EIF3L: variants seen among roughly 807,000 people sequenced by gnomAD.
EIF3L encodes eukaryotic translation initiation factor 3 subunit L.
A neutral mutation model predicts 74.6 loss-of-function variants in EIF3L; 32 were observed. The observed-to-expected ratio is 0.43, with a 90% CI of 0.32 to 0.58. The LOEUF (loss-of-function observed/expected upper bound fraction) is 0.58, where lower values mean the gene tolerates loss of function less well. EIF3L is among the 20% of genes least tolerant of loss of function. The probability of loss-of-function intolerance (pLI) is 0.06; values close to 1 mark genes in which losing one functional copy is unlikely to be tolerated. For synonymous variants in EIF3L, 256 were observed against 254.4 expected, an observed-to-expected ratio of 1.01 and a Z score of -0.06; for missense variants, 474 against 707.8, an observed-to-expected ratio of 0.67 and a Z score of 3.75.
At chr22:37,888,185 T>C (rs936690224) in intron 12 of EIF3L, 6 of 443,160 alleles carry the variant, frequency 1.4e-5, no homozygotes, top group African/African-American at 1.0e-4. Flanking sequence ...GTCAGATGGA[T>C]AGAGCAGTGT....
chr22:37,853,157 T>G (rs1925320118), intron 3 of EIF3L, among the ~76,000 whole-genome samples: 1 of 152,172 alleles, frequency 6.6e-6, no homozygotes, highest in African/African-American at 2.4e-5. Context: ...CCTCAGTTCT[T>G]GCCTCCTCAC....
rs1436976528 is a variant in EIF3L, at chr22:37,849,998, T to A, written c.34-17T>A. 1 of 1,613,700 alleles carries A rather than the reference T, an allele frequency of 6.2e-7. No individual in the cohort carries two copies. Among genetic ancestry groups the A allele is most frequent in the South Asian group, 1.1e-5 (1 of 91,074 alleles). On this transcript the variant is annotated splice_polypyrimidine_tract_variant and intron_variant, in intron 1 of 12. Transcript: ENST00000652021. ...ACGACTTGGCGGCTGTCCTTGACTG[T>A]GTCTCTTTCCTTCTAGGCGGCTTAT...
chr22:37,858,277 G>A (rs180758327), intron 4 of EIF3L, among the ~76,000 whole-genome samples: 1 of 126,504 alleles, frequency 7.9e-6, no homozygotes, highest in Non-Finnish European at 1.6e-5. Flanking sequence ...GCCCATGCTG[G>A]AGTGTAGTGT....
chr22:37,882,553 T>A (rs1927103000), intron 11 of EIF3L: 1 of 152,040 alleles, frequency 6.6e-6, no homozygotes. Flanking sequence ...GGTGCGTTCC[T>A]GTAATCCCAG....
chr22:37,858,418 G>A, intron 4 of EIF3L: 2 of 431,018 alleles, frequency 4.6e-6, no homozygotes, highest in South Asian at 5.5e-5. Context: ...GTTTTTTTAT[G>A]CACTTGGATG....
At chr22:37,851,700 C>CT (rs1054151790) in intron 3 of EIF3L, 72 of 464,350 alleles carry the variant, frequency 1.6e-4, no homozygotes, top group African/African-American at 1.3e-3. Flanking sequence ...GAGTGTCACT[C>CT]TGTCGCCCAG....
intron 5 of EIF3L, among the ~76,000 whole-genome samples, chr22:37,862,393 A>C (rs980506586): frequency 2.6e-5 from 4 of 152,204 alleles, no homozygotes; most frequent in Non-Finnish European, 5.9e-5. Context: ...TAAGTATTTT[A>C]GTCTCGAGGG....
intron 8 of EIF3L, among the ~76,000 whole-genome samples, chr22:37,873,158 T>G (rs1258375618): frequency 6.6e-6 from 1 of 151,294 alleles, no homozygotes; most frequent in Non-Finnish European, 1.5e-5. Context: ...CCATCTAATT[T>G]TTGTATTTTT....
chr22:37,855,767 T>C, intron 4 of EIF3L, 123 bp downstream of exon 4: 1 of 748,576 alleles, frequency 1.3e-6, no homozygotes, highest in Non-Finnish European at 2.2e-6. Context: ...GTGCTTGGTA[T>C]GTAGTAGGTC....
At chr22:37,882,132 C>T (rs966835581) in intron 11 of EIF3L, 4 of 151,870 alleles carry the variant, frequency 2.6e-5, no homozygotes, top group Non-Finnish European at 5.9e-5. Context: ...TATGGTGAAA[C>T]CCTGTCTCTA....
Position 37,877,668 on chromosome 22 carries a change from C to T in EIF3L, c.1078-6C>T, listed in dbSNP as rs145217987. The T allele has an allele frequency of 1.9e-6, 3 of 1,586,874 alleles. No individual in the cohort carries two copies. On this transcript the variant is annotated splice_region_variant and splice_polypyrimidine_tract_variant and intron_variant, in intron 10 of 12. Transcript: ENST00000652021. ...GACCCAGTACCACTCTCCACCCCAT[C>T]CCCAGATTAACAAGCAGAATGAGCA...
intron 4 of EIF3L, among the ~76,000 whole-genome samples, chr22:37,856,175 C>T (rs1427869538): frequency 6.6e-6 from 1 of 151,940 alleles, no homozygotes; most frequent in Non-Finnish European, 1.5e-5. Context: ...CTCCTAGGTT[C>T]AAGCAATTCT....
chr22:37,865,240 C>G (rs939962364), intron 7 of EIF3L, among the ~76,000 whole-genome samples: 4 of 151,234 alleles, frequency 2.6e-5, no homozygotes, highest in Non-Finnish European at 5.9e-5. Context: ...CCTAGGTGGG[C>G]AGATCACGAG....
chr22:37,873,847 G>T (rs542470038), intron 8 of EIF3L, among the ~76,000 whole-genome samples: 5 of 152,276 alleles, frequency 3.3e-5, no homozygotes, highest in African/African-American at 1.2e-4. Flanking sequence ...AGAGGTCTAA[G>T]CCACCAAGCC....
intron 12 of EIF3L, chr22:37,887,145 T>C: frequency 3.8e-6 from 1 of 260,440 alleles, no homozygotes; most frequent in Admixed American, 5.0e-5. Context: ...GCCAGGCTGG[T>C]CTCCAGCTCC....
At chr22:37,865,855 T>C (rs1748040721) in intron 7 of EIF3L, among the ~76,000 whole-genome samples, 1 of 152,192 alleles carries the variant, frequency 6.6e-6, no homozygotes, top group South Asian at 2.1e-4. Flanking sequence ...CCGTGCTGAT[T>C]TTCTTTATCC....
chr22:37,849,613 C>T, intron 1 of EIF3L, 131 bp downstream of exon 1: 1 of 1,047,090 alleles, frequency 9.6e-7, no homozygotes. Flanking sequence ...GGCCCTCAGG[C>T]TGCTCCCACA....
intron 1 of EIF3L, 179 bp downstream of exon 1, chr22:37,849,661 A>T (rs1925055475): frequency 1.5e-6 from 1 of 684,548 alleles, no homozygotes; most frequent in Non-Finnish European, 2.5e-6. Context: ...CTGCCCGCCC[A>T]CTTCGCGTGT....
At chr22:37,886,321 C>A (rs1927319334) in intron 11 of EIF3L, 2 of 152,388 alleles carry the variant, frequency 1.3e-5, no homozygotes, top group South Asian at 4.1e-4. Context: ...GTAATCCCAG[C>A]ACTTTGGGAA....
Sources: gnomAD v4.1 joint callset for allele counts (sites outside exome capture counted in the v4.1 genomes callset) on GRCh38, gnomAD v4.1.1 for gene constraint, MANE v1.5 for transcripts, NCBI Gene and HGNC (gene_info 2026-07-23, HGNC 2026-07-21) for gene names.